The following HAUS5 variants were observed in gnomAD, a reference collection of about 807,000 sequenced individuals.
HAUS5 encodes HAUS augmin-like complex subunit 5.
Under a neutral mutation model 94.1 loss-of-function variants are expected in HAUS5, and 67 were observed. The ratio of observed to expected loss-of-function variants is 0.71; its 90% CI spans 0.58 to 0.87. HAUS5 has a LOEUF of 0.87. Among genes scored for constraint, HAUS5 ranks in the 40% least tolerant of loss-of-function variants. HAUS5 has a pLI of 0.00. For missense variants in HAUS5, 739 were observed against 825.6 expected (o/e 0.90, Z 1.29); for synonymous variants, 339 against 355.4 (o/e 0.95, Z 0.52).
rs73931233 is a variant in HAUS5 at position 35,615,121 on chromosome 19, T to G, written c.299T>G (p.Leu100Arg). The G allele has an allele frequency of 1.6e-3, 2,647 of 1,609,970 alleles. 38 individuals carry two copies. The African/African-American group carries it at 0.03, about 18-fold the overall frequency. The part of the protein sequence containing the change: ...EIQELDQSLE[L>R]MERDTEAQDT... ...CAGGAACTCGACCAGAGCCTGGAGC[T>G]GATGGAGCGAGACACTGAGGCTCAG... The change falls in exon 5 of 19, where the codon CTG (leucine) becomes CGG (arginine). Residue 100 changes from leucine (L) to arginine (R), a missense_variant. Transcript: ENST00000203166.
rs1299075679 is a variant in HAUS5 at position 35,617,356 on chromosome 19, A to G, written c.625A>G (p.Arg209Gly). Residue 209 changes from arginine (R) to glycine (G), a missense_variant, in exon 8 of 19, where the codon AGG becomes GGG. Arg to Gly is a moderately radical substitution (Grantham distance 125). Transcript: ENST00000203166. ...LQNLLLPQAKRGSLPTPHDDH... is the reference protein window; with the variant it reads ...LQNLLLPQAKGGSLPTPHDDH... ...GAACCTCCTGCTTCCCCAGGCCAAG[A>G]GGGGCAGCCTCCCGTGAGTGTCCCT... 6.2e-7 allele frequency: 1 copy of G among 1,612,822 alleles called. No homozygotes were observed. Among genetic ancestry groups the G allele is most frequent in the Admixed American group, 1.7e-5 (1 of 60,014 alleles).
intron 11 of HAUS5, 24 bp from the exon 12 acceptor site, chr19:35,618,545 C>G (rs749896911): frequency 1.6e-5 from 26 of 1,609,782 alleles, no homozygotes; most frequent in East Asian, 4.5e-5. Context: ...CTGGGTGTAC[C>G]CTGATTCTGT....
Position 35,624,106 on chromosome 19 carries a change from T to G in HAUS5, c.*1113T>G, listed in dbSNP as rs946419876. Reference sequence around the variant, plus strand: ...TATCTGTTCTTGTTTTCTTTTGTTTTTTTTTTTTTTTTTTTTGAGATGCAG... The same window carrying G: ...TATCTGTTCTTGTTTTCTTTTGTTTGTTTTTTTTTTTTTTTTGAGATGCAG... On this transcript the variant is annotated 3_prime_UTR_variant, in exon 19 of 19. Coordinates refer to ENST00000203166, the MANE Select transcript of HAUS5 (RefSeq NM_015302.2). 7.1e-6 allele frequency: 1 copy of G among 141,784 alleles called. No individual in the cohort carries two copies. The highest frequency in any genetic ancestry group is 1.5e-5 in the Non-Finnish European group (1 of 65,098). 8.8% of individuals were successfully genotyped at this position (141,784 alleles called of 1,614,324 possible).
At position 35,623,057 on chromosome 19, in the gene HAUS5, G is replaced by A; in HGVS notation, c.*64G>A. 2 of 1,095,128 alleles carry A rather than the reference G, an allele frequency of 1.8e-6. No homozygotes were observed. Among genetic ancestry groups the A allele is most frequent in the Non-Finnish European group, 2.7e-6 (2 of 737,208 alleles). The allele number at this position is 1,095,128 out of a possible 1,614,324, so 67.8% of individuals were successfully genotyped here. A position where few individuals can be genotyped will look rare whatever the true frequency, so the allele number is the denominator to read the frequency against. ...TCACCCCAACACCTCACCTCCCCCAGGACATTTGGAAGAAAGCAGCGCCAG... is the reference window on the plus strand; with the variant it reads ...TCACCCCAACACCTCACCTCCCCCAAGACATTTGGAAGAAAGCAGCGCCAG... On this transcript the variant is annotated 3_prime_UTR_variant, in exon 19 of 19. Transcript: ENST00000203166.
chr19:35,613,023 T>C, intron 1 of HAUS5, 131 bp downstream of exon 1: 1 of 668,832 alleles, frequency 1.5e-6, no homozygotes, highest in Non-Finnish European at 2.4e-6. Flanking sequence ...TACTGAGGGC[T>C]CCCTACCCTG....
chr19:35,613,886 G>C lies in HAUS5; in HGVS notation c.180G>C (p.Arg60=), dbSNP rs761184820. The C allele has an allele frequency of 1.9e-6, 3 of 1,614,078 alleles. No homozygotes were observed. The highest frequency in any genetic ancestry group is 4.5e-5 in the East Asian group (2 of 44,876). The change falls in exon 3 of 19, where the codon CGG becomes CGC. Residue 60 remains arginine, a synonymous_variant. Coordinates refer to ENST00000203166, the MANE Select transcript of HAUS5 (RefSeq NM_015302.2). The part of the protein sequence containing the change: ...VHSQRTVKKI[R]GNLLWYGHQD... ...ACTGTAGGACTGTCAAGAAGATCCG[G>C]GGAAACCTACTCTGGTAACTGCTTC...
rs2071952090 is a variant in HAUS5 at position 35,617,278 on chromosome 19, T to C, written c.556-9T>C. ...TCCCCCTCAGGTCCCTTCCTCCTCT[T>C]CTCCCTAGCGTGATGTCCGAACAGC... On this transcript the variant is annotated splice_polypyrimidine_tract_variant and intron_variant, in intron 7 of 18. Transcript: ENST00000203166. 1 of 1,612,248 alleles carries C rather than the reference T, an allele frequency of 6.2e-7. No individual in the cohort carries two copies. The highest frequency in any genetic ancestry group is 1.3e-5 in the African/African-American group (1 of 74,870).
chr19:35,619,671 G>T lies in HAUS5; in HGVS notation c.1319G>T (p.Ser440Ile). The change falls in exon 15 of 19, where the codon AGC becomes ATC. Residue 440 changes from serine to isoleucine, a missense_variant. Physicochemically the swap from Ser to Ile is moderately radical, Grantham distance 142 (BLOSUM62 -2). Coordinates refer to ENST00000203166, the MANE Select transcript of HAUS5 (RefSeq NM_015302.2). ...VPTFEAVAPQSRELLRCLEEE... is the reference protein window; with the variant it reads ...VPTFEAVAPQIRELLRCLEEE... The stretch of plus-strand genomic sequence containing the variant: ...ACATTTGAGGCAGTGGCACCACAGA[G>T]CCGGGAGCTGCTGCGCTGTCTGGAG... 6.4e-7 allele frequency: 1 copy of T among 1,573,628 alleles called. No individual in the cohort carries two copies. The highest frequency in any genetic ancestry group is 8.6e-7 in the Non-Finnish European group (1 of 1,159,044).
chr19:35,614,697 T>C (rs1483551902), intron 4 of HAUS5, among the ~76,000 whole-genome samples: 4 of 152,064 alleles, frequency 2.6e-5, no homozygotes, highest in African/African-American at 9.7e-5. Context: ...ATGGGAGAGA[T>C]GCTGAGGCCA....
chr19:35,619,422 A>G lies in HAUS5; in HGVS notation c.1180-2A>G. 6.3e-7 allele frequency: 1 copy of G among 1,585,700 alleles called. No homozygotes were observed. The highest frequency in any genetic ancestry group is 8.6e-7 in the Non-Finnish European group (1 of 1,163,552). On this transcript the variant is annotated splice_acceptor_variant, in intron 13 of 18. Transcript: ENST00000203166. LOFTEE classifies it high-confidence loss of function. The stretch of plus-strand genomic sequence containing the variant: ...GGGTCTCAGGGTATCCTGGTTCCTC[A>G]GGAGGAGACCCAGGAACAGGTCCGC...
chr19:35,612,791 T>C lies in HAUS5; in HGVS notation c.-4T>C. ...GGAGGCGGTGTCGCCGCCGCGGCGC[T>C]GTCATGGAGCTAGCGCAGGAAGCGC... On this transcript the variant is annotated 5_prime_UTR_variant, in exon 1 of 19. Transcript: ENST00000203166. 6.5e-7 allele frequency: 1 copy of C among 1,543,100 alleles called. No individual in the cohort carries two copies. Among genetic ancestry groups the C allele is most frequent in the Non-Finnish European group, 8.7e-7 (1 of 1,144,466 alleles).
chr19:35,613,971 C>A (rs138480242), intron 3 of HAUS5, 64 bp from the exon 4 acceptor site: 4 of 1,606,980 alleles, frequency 2.5e-6, no homozygotes, highest in Non-Finnish European at 1.7e-6. Flanking sequence ...ACCACAGCAT[C>A]ACACCTATTG....
At position 35,618,686 on chromosome 19, in the gene HAUS5, G is replaced by C; in HGVS notation, c.1003G>C (p.Gly335Arg). The C allele has an allele frequency of 6.3e-7, 1 of 1,597,322 alleles. No individual in the cohort carries two copies. The highest frequency in any genetic ancestry group is 8.6e-7 in the Non-Finnish European group (1 of 1,169,064). The change falls in exon 12 of 19, where the codon GGA becomes CGA. Residue 335 changes from glycine (G) to arginine (R), a missense_variant. Physicochemically the swap from Gly to Arg is moderately radical, Grantham distance 125. Coordinates refer to ENST00000203166, the MANE Select transcript of HAUS5 (RefSeq NM_015302.2). ...LVEEVERRVL[G>R]SSERQVLILG... ...GGAGGAGGTGGAGAGACGCGTCCTG[G>C]GATCCAGTGAGAGGTGGGGGGCTCT...
intron 13 of HAUS5, 115 bp downstream of exon 13, chr19:35,619,164 G>T: frequency 9.0e-7 from 1 of 1,116,656 alleles, no homozygotes; most frequent in South Asian, 1.6e-5. Flanking sequence ...CCAGCACTTT[G>T]GGAGGCTGAG....
chr19:35,621,554 A>G (rs1356861896), intron 17 of HAUS5, among the ~76,000 whole-genome samples: 3 of 152,068 alleles, frequency 2.0e-5, no homozygotes, highest in African/African-American at 2.4e-5. Flanking sequence ...GTACACATCT[A>G]TCATGGAACT....
chr19:35,616,833 G>A (rs987170312), intron 6 of HAUS5, among the ~76,000 whole-genome samples: 1 of 152,132 alleles, frequency 6.6e-6, no homozygotes, highest in African/African-American at 2.4e-5. Flanking sequence ...TATTCTGAAT[G>A]CGCTGGGGAA....
At chr19:35,613,204 C>A (rs2071910496) in intron 1 of HAUS5, among the ~76,000 whole-genome samples, 1 of 152,190 alleles carries the variant, frequency 6.6e-6, no homozygotes, top group South Asian at 2.1e-4. Context: ...CGTGGCCACC[C>A]CATCGGGGAT....
In HAUS5 at chr19:35,623,699, T is replaced by C. The variant is rs1008479350; in HGVS notation, c.*706T>C. 1.3e-5 allele frequency: 2 copies of C among 152,298 alleles called. No individual in the cohort carries two copies. The highest frequency in any genetic ancestry group is 4.8e-5 in the African/African-American group (2 of 41,454). The allele number at this position is 152,298 out of a possible 1,614,324, so 9.4% of individuals were successfully genotyped here. ...CCAATTTTGTCTTATTTTACATATA[T>C]CCTAGTAGCACTTACTGAAATTCCC... is the stretch of plus-strand genomic sequence containing the variant. On this transcript the variant is annotated 3_prime_UTR_variant, in exon 19 of 19. Coordinates refer to ENST00000203166, the MANE Select transcript of HAUS5 (RefSeq NM_015302.2).
rs145184093 is a variant in HAUS5, at chr19:35,623,090, C to T, written c.*97C>T. ...GGAAGAAAGCAGCGCCAGGATTCCT[C>T]GGCAGTCGTCCCCACCCGCACCTGC... On this transcript the variant is annotated 3_prime_UTR_variant, in exon 19 of 19. Coordinates refer to ENST00000203166, the MANE Select transcript of HAUS5 (RefSeq NM_015302.2). The T allele has an allele frequency of 1.7e-3, 1,470 of 855,166 alleles. 12 individuals carry two copies. In the African/African-American group the frequency reaches 0.021, roughly 12 times the overall value. 53.0% of individuals were successfully genotyped at this position (855,166 alleles called of 1,614,324 possible).
Sources: allele counts gnomAD v4.1 joint callset (sites outside exome capture counted in the v4.1 genomes callset), GRCh38; gene constraint gnomAD v4.1.1; transcripts MANE v1.5; gene names NCBI Gene and HGNC (gene_info 2026-07-23, HGNC 2026-07-21).